The following SNAP91 variants were observed in gnomAD, a reference collection of about 807,000 sequenced individuals.
The protein encoded by SNAP91 is synaptosome associated protein 91.
In SNAP91, 27 loss-of-function variants were observed where a neutral mutation model predicts 100.3. The ratio of observed to expected loss-of-function variants is 0.27; its 90% confidence interval spans 0.20 to 0.37. The LOEUF is 0.37. Among genes scored for constraint, SNAP91 ranks in the 10% least tolerant of loss-of-function variants. The pLI, the probability that SNAP91 is intolerant of heterozygous loss-of-function variation, is 1.00. For missense variants in SNAP91, 986 were observed against 1,123.7 expected, an observed-to-expected ratio of 0.88 and a Z score of 1.75; for synonymous variants, 404 against 398.6, an observed-to-expected ratio of 1.01 and a Z score of -0.16.
chr6:83,596,968 T>A (rs1399413876), intron 16 of SNAP91, among the ~76,000 whole-genome samples: 1 of 152,218 alleles, frequency 6.6e-6, no homozygotes, highest in Non-Finnish European at 1.5e-5. Context: ...TAGATATTTA[T>A]GGGCTGACCC....
intron 10 of SNAP91, 75 bp downstream of exon 10, chr6:83,616,894 C>T: frequency 9.8e-7 from 1 of 1,019,280 alleles, no homozygotes; most frequent in East Asian, 2.7e-5. Flanking sequence ...ATAAGTTGTA[C>T]CATGATAAAT....
Position 83,641,089 on chromosome 6 carries a change from T to C in SNAP91, c.765+7A>G. 2 of 1,444,130 alleles carry C rather than the reference T, an allele frequency of 1.4e-6. No homozygotes were observed. The highest frequency in any genetic ancestry group is 1.9e-6 in the Non-Finnish European group (2 of 1,076,982). 89.5% of individuals were successfully genotyped at this position (1,444,130 alleles called of 1,614,324 possible). The stretch of plus-strand genomic sequence containing the variant: ...TTATATTCCCAAGAAAACTTAATAT[T>C]ACTTACCTCTGCAACCTTGAGAAAT... On this transcript the variant is annotated splice_region_variant and intron_variant, in intron 8 of 29. Transcript: ENST00000369694.
At chr6:83,589,709 G>C (rs913801811) in intron 22 of SNAP91, among the ~76,000 whole-genome samples, 1 of 152,132 alleles carries the variant, frequency 6.6e-6, no homozygotes, top group African/African-American at 2.4e-5. Flanking sequence ...TAAATAGCCA[G>C]TCTGAATTAC....
chr6:83,668,062 C>A (rs1011636653), intron 2 of SNAP91, among the ~76,000 whole-genome samples: 1 of 152,044 alleles, frequency 6.6e-6, no homozygotes, highest in Non-Finnish European at 1.5e-5. Context: ...TTTATGCAGC[C>A]AACAGACACA....
At chr6:83,618,342 T>A (rs2128370714) in intron 9 of SNAP91, among the ~76,000 whole-genome samples, 2 of 151,776 alleles carry the variant, frequency 1.3e-5, no homozygotes, top group South Asian at 4.1e-4. Context: ...AACAGCCCTG[T>A]CGGCATTATT....
At chr6:83,627,226 T>A (rs2096971129) in intron 8 of SNAP91, among the ~76,000 whole-genome samples, 1 of 152,130 alleles carries the variant, frequency 6.6e-6, no homozygotes, top group African/African-American at 2.4e-5. Flanking sequence ...ATTAACTTTT[T>A]GATGTGCTGC....
chr6:83,605,227 A>C, intron 14 of SNAP91, among the ~76,000 whole-genome samples: 1 of 152,164 alleles, frequency 6.6e-6, no homozygotes, highest in Non-Finnish European at 1.5e-5. Context: ...ATGAAGTCAA[A>C]TACAATGTGA....
intron 22 of SNAP91, among the ~76,000 whole-genome samples, chr6:83,583,322 CTG>C (rs1314433556): frequency 6.6e-6 from 1 of 152,202 alleles, no homozygotes; most frequent in African/African-American, 2.4e-5. Context: ...AGGCCAGGAA[CTG>C]TGTCTTCTTT....
At chr6:83,597,190 G>A (rs796908354) in intron 16 of SNAP91, among the ~76,000 whole-genome samples, 2 of 152,216 alleles carry the variant, frequency 1.3e-5, no homozygotes, top group African/African-American at 4.8e-5. Context: ...ACCCCCAGCT[G>A]TTTGAATCTT....
chr6:83,611,790 G>C (rs1453891799), intron 11 of SNAP91, among the ~76,000 whole-genome samples: 1 of 150,834 alleles, frequency 6.6e-6, no homozygotes. Flanking sequence ...TCCGCCTCCC[G>C]GGTTCACGCC....
chr6:83,669,259 G>T (rs2098740678), intron 2 of SNAP91, among the ~76,000 whole-genome samples: 2 of 151,676 alleles, frequency 1.3e-5, no homozygotes, highest in South Asian at 2.1e-4. Flanking sequence ...GCTCTCATAA[G>T]TAGTTATTAT....
intron 2 of SNAP91, among the ~76,000 whole-genome samples, chr6:83,696,720 G>A (rs1248413542): frequency 3.3e-5 from 5 of 152,016 alleles, no homozygotes; most frequent in African/African-American, 9.7e-5. Flanking sequence ...AAGTGCCTCC[G>A]CTGTAGTCTT....
intron 2 of SNAP91, among the ~76,000 whole-genome samples, chr6:83,668,964 G>T (rs2098735968): frequency 6.6e-6 from 1 of 151,948 alleles, no homozygotes; most frequent in South Asian, 2.1e-4. Flanking sequence ...TCATAGCTTA[G>T]CTTAGCCTAC....
chr6:83,689,142 C>T (rs2099100330), intron 2 of SNAP91, among the ~76,000 whole-genome samples: 1 of 152,116 alleles, frequency 6.6e-6, no homozygotes, highest in Non-Finnish European at 1.5e-5. Context: ...GCTATCCCAT[C>T]TGCAACATTA....
At chr6:83,598,299 C>G (rs1488632163) in intron 16 of SNAP91, among the ~76,000 whole-genome samples, 2 of 152,068 alleles carry the variant, frequency 1.3e-5, no homozygotes, top group Non-Finnish European at 2.9e-5. Flanking sequence ...CTTAAAAGTT[C>G]ACTTTAAAAA....
intron 2 of SNAP91, among the ~76,000 whole-genome samples, chr6:83,695,276 CAAAAAAAAA>C (rs56103542): frequency 8.9e-5 from 6 of 67,300 alleles, no homozygotes; most frequent in East Asian, 4.6e-4. Flanking sequence ...GGCTCCATCT[CAAAAAAAAA>C]AAAAAAAAAA....
At chr6:83,557,283 G>A (rs748284793) in intron 28 of SNAP91, among the ~76,000 whole-genome samples, 15 of 152,090 alleles carry the variant, frequency 9.9e-5, no homozygotes, top group Non-Finnish European at 2.2e-4. Flanking sequence ...AGTGAACAGA[G>A]TTCCAGAAGT....
At chr6:83,669,311 T>A (rs1254302909) in intron 2 of SNAP91, among the ~76,000 whole-genome samples, 2 of 151,968 alleles carry the variant, frequency 1.3e-5, no homozygotes, top group Non-Finnish European at 2.9e-5. Context: ...AAAGATAATT[T>A]TCATTTAAAG....
chr6:83,618,194 T>G (rs1164323290), intron 9 of SNAP91, among the ~76,000 whole-genome samples: 1 of 151,848 alleles, frequency 6.6e-6, no homozygotes, highest in South Asian at 2.1e-4. Context: ...ATTCATGTGA[T>G]TATTATATTT....
Sources: gnomAD v4.1 joint callset for allele counts (sites outside exome capture counted in the v4.1 genomes callset) on GRCh38, gnomAD v4.1.1 for gene constraint, MANE v1.5 for transcripts, NCBI Gene and HGNC (gene_info 2026-07-23, HGNC 2026-07-21) for gene names.